MECOM: variants seen among roughly 807,000 people sequenced by gnomAD.
MECOM encodes the protein MDS1 and EVI1 complex locus, also known as histone-lysine N-methyltransferase MECOM.
A neutral mutation model predicts 116.3 loss-of-function variants in MECOM; 13 were observed. The ratio of observed to expected loss-of-function variants is 0.11; its 90% CI spans 0.07 to 0.18. The LOEUF (loss-of-function observed/expected upper bound fraction) is 0.18. Among genes scored for constraint, MECOM ranks in the 10% least tolerant of loss-of-function variants. The pLI, the probability that MECOM is intolerant of heterozygous loss-of-function variation, is 1.00. For synonymous variants in MECOM, 528 were observed against 535.2 expected (o/e 0.99, Z 0.19); for missense variants, 1,299 against 1,509.0 (o/e 0.86, Z 2.31).
intron 5 of MECOM, 122 bp from the exon 6 acceptor site, chr3:169,122,849 A>G (rs1330404424): frequency 6.8e-5 from 75 of 1,098,794 alleles, no homozygotes; most frequent in Non-Finnish European, 9.6e-5. Flanking sequence ...ACTGAGAAGG[A>G]GGGAAGAGCA....
chr3:169,381,606 G>T, intron 1 of MECOM, 82 bp from the exon 2 acceptor site: 2 of 1,030,684 alleles, frequency 1.9e-6, no homozygotes, highest in Non-Finnish European at 2.7e-6. Flanking sequence ...TTATTATGTT[G>T]TTCTTTGAAG....
intron 1 of MECOM, among the ~76,000 whole-genome samples, chr3:169,603,226 T>A (rs1395315902): frequency 6.6e-6 from 1 of 152,166 alleles, no homozygotes; most frequent in Non-Finnish European, 1.5e-5. Context: ...CCTAGGCTAA[T>A]GTGTGTGTGT....
At chr3:169,635,720 C>T (rs1311542308) in intron 1 of MECOM, among the ~76,000 whole-genome samples, 1 of 152,220 alleles carries the variant, frequency 6.6e-6, no homozygotes, top group Non-Finnish European at 1.5e-5. Flanking sequence ...TCAAAGGTAA[C>T]AACCAATATT....
At chr3:169,102,039 C>T (rs1432909767) in intron 11 of MECOM, 21 bp downstream of exon 11, 4 of 1,578,648 alleles carry the variant, frequency 2.5e-6, no homozygotes, top group African/African-American at 2.7e-5. Context: ...GAAAGTCAGC[C>T]ATAATTAACT....
intron 2 of MECOM, among the ~76,000 whole-genome samples, chr3:169,327,263 G>A (rs2149765064): frequency 6.6e-6 from 1 of 152,264 alleles, no homozygotes; most frequent in South Asian, 2.1e-4. Context: ...TGGTAGTATA[G>A]GTTGATTTGG....
At chr3:169,119,561 A>T (rs1730302722) in intron 7 of MECOM, among the ~76,000 whole-genome samples, 1 of 152,190 alleles carries the variant, frequency 6.6e-6, no homozygotes, top group Non-Finnish European at 1.5e-5. Flanking sequence ...TTTTATTTTA[A>T]ATAATAGAGA....
Position 169,555,357 on chromosome 3 carries a change from AT to A in MECOM, c.37+107978del, listed in dbSNP as rs564140119. Among the ~76,000 whole-genome samples the A allele has an allele frequency of 4.6e-3, 698 of 152,340 alleles. 6 individuals are homozygous for A. Among genetic ancestry groups the A allele is most frequent in the African/African-American group, 0.016 (647 of 41,574 alleles). ...GAAGGAAAGCACATAGAAAAATGTG[AT>A]AATTGTTATATAGGCATTTTGGCAA... is the stretch of plus-strand genomic sequence containing the variant. On this transcript the variant is annotated intron_variant, in intron 1 of 16. Transcript: ENST00000651503.
rs374509413 is a variant in MECOM, at chr3:169,620,580, T to C, written c.37+42756A>G. Among the ~76,000 whole-genome samples, 11 of 152,330 alleles carry C rather than the reference T, an allele frequency of 7.2e-5. No individual in the cohort carries two copies. The South Asian group carries it at 2.3e-3, about 32-fold the overall frequency. On this transcript the variant is annotated intron_variant, in intron 1 of 16. Transcript: ENST00000651503. ...GTAAAATAAGGTGCTTGGTTCTGAT[T>C]AAAAAGTGTTTTAAGTGATTCAGCC...
At chr3:169,142,681 A>G (rs1389763996) in intron 3 of MECOM, among the ~76,000 whole-genome samples, 1 of 152,022 alleles carries the variant, frequency 6.6e-6, no homozygotes, top group African/African-American at 2.4e-5. Flanking sequence ...CCGTTTAGTC[A>G]GTAAAAATTA....
chr3:169,492,230 G>A lies in MECOM; in HGVS notation c.38-110706C>T, dbSNP rs540254134. ...TTATAGCAAGTAGGAGAGAAAGTTCGTGGGGTAAGAAAGAATTAGCTTTCA... is the reference window on the plus strand; with the variant it reads ...TTATAGCAAGTAGGAGAGAAAGTTCATGGGGTAAGAAAGAATTAGCTTTCA... On this transcript the variant is annotated intron_variant, in intron 1 of 16. Coordinates refer to ENST00000651503, the MANE Select transcript of MECOM (RefSeq NM_004991.4). Among the ~76,000 whole-genome samples, 68 of 152,300 alleles carry A rather than the reference G, an allele frequency of 4.5e-4. 1 individual carries two copies. The highest frequency in any genetic ancestry group is 1.4e-3 in the African/African-American group (60 of 41,566).
At chr3:169,321,184 A>C (rs1720788091) in intron 2 of MECOM, among the ~76,000 whole-genome samples, 1 of 152,242 alleles carries the variant, frequency 6.6e-6, no homozygotes, top group Non-Finnish European at 1.5e-5. Context: ...TGGACAAAAA[A>C]TATAAACTAC....
intron 2 of MECOM, among the ~76,000 whole-genome samples, chr3:169,274,521 A>C (rs1177281319): frequency 6.6e-6 from 1 of 152,154 alleles, no homozygotes; most frequent in African/African-American, 2.4e-5. Context: ...CCTGGAGAAT[A>C]GGGTTTGAAT....
intron 1 of MECOM, among the ~76,000 whole-genome samples, chr3:169,648,541 G>A (rs150907491): frequency 6.6e-6 from 1 of 152,328 alleles, no homozygotes; most frequent in East Asian, 1.9e-4. Context: ...TTAGGCAAAT[G>A]GGGAATTTTG....
At chr3:169,478,929 T>C (rs2108839171) in intron 1 of MECOM, among the ~76,000 whole-genome samples, 1 of 152,358 alleles carries the variant, frequency 6.6e-6, no homozygotes, top group East Asian at 1.9e-4. Flanking sequence ...CTTGTAATGC[T>C]ACAATGATGT....
intron 2 of MECOM, among the ~76,000 whole-genome samples, chr3:169,332,151 CA>C (rs1722853980): frequency 6.6e-6 from 1 of 152,232 alleles, no homozygotes; most frequent in South Asian, 2.1e-4. Context: ...ACATATCCCT[CA>C]GGGGGAAACT....
chr3:169,190,926 C>A (rs937990871), intron 2 of MECOM, among the ~76,000 whole-genome samples: 1 of 151,972 alleles, frequency 6.6e-6, no homozygotes, highest in South Asian at 2.1e-4. Context: ...TCTACCCTTA[C>A]TAGGTGGCCA....
intron 1 of MECOM, among the ~76,000 whole-genome samples, chr3:169,444,780 T>C (rs1744325487): frequency 1.3e-5 from 2 of 152,144 alleles, no homozygotes; most frequent in Admixed American, 1.3e-4. Context: ...TTGGAACCTC[T>C]TAGAGACTTG....
chr3:169,267,212 T>C (rs1252617183), intron 2 of MECOM, among the ~76,000 whole-genome samples: 1 of 152,262 alleles, frequency 6.6e-6, no homozygotes, highest in Non-Finnish European at 1.5e-5. Flanking sequence ...GGGGCTGCCA[T>C]ACCAGCAGTT....
At chr3:169,277,373 C>T (rs1759733550) in intron 2 of MECOM, among the ~76,000 whole-genome samples, 1 of 152,126 alleles carries the variant, frequency 6.6e-6, no homozygotes, top group African/African-American at 2.4e-5. Context: ...AAAACAAAGT[C>T]GAATGAGCAT....
Sources: allele counts gnomAD v4.1 joint callset (sites outside exome capture counted in the v4.1 genomes callset), GRCh38; gene constraint gnomAD v4.1.1; transcripts MANE v1.5; gene names NCBI Gene and HGNC (gene_info 2026-07-23, HGNC 2026-07-21).